The following GNS variants were observed in gnomAD, a reference collection of about 807,000 sequenced individuals.
GNS encodes the protein glucosamine (N-acetyl)-6-sulfatase.
Under a neutral mutation model 69.7 loss-of-function variants are expected in GNS, and 40 were observed. That is an observed-to-expected ratio of 0.57 (90% CI 0.45 to 0.75). The LOEUF is 0.75. GNS is among the 30% of genes least tolerant of loss of function. GNS has a pLI of 0.00. For synonymous variants in GNS, 243 were observed against 251.6 expected (o/e 0.97, Z 0.32); for missense variants, 565 against 685.5 (o/e 0.82, Z 1.96).
chr12:64,726,969 T>C (rs969936179), intron 10 of GNS, among the ~76,000 whole-genome samples: 1 of 149,916 alleles, frequency 6.7e-6, no homozygotes, highest in Non-Finnish European at 1.5e-5. Flanking sequence ...TATGAACACA[T>C]CTCCAAAGAA....
At position 64,714,574 on chromosome 12, in the gene GNS, G is replaced by C. The variant is rs1868803523; in HGVS notation, c.*2167C>G. On this transcript the variant is annotated 3_prime_UTR_variant, in exon 14 of 14. Coordinates refer to ENST00000258145, the MANE Select transcript of GNS (RefSeq NM_002076.4). ...TACCAAAAATAGAAGAGCGTAGAGA[G>C]GGCTGCACCACATCCTACCACGCAA... The C allele has an allele frequency of 6.6e-6, 1 of 152,148 alleles. No homozygotes were observed. Among genetic ancestry groups the C allele is most frequent in the Admixed American group, 6.5e-5 (1 of 15,274 alleles). 9.4% of individuals were successfully genotyped at this position (152,148 alleles called of 1,614,324 possible).
At position 64,716,782 on chromosome 12, in the gene GNS, C is replaced by T. The variant is rs771940326; in HGVS notation, c.1618G>A (p.Gly540Ser). The T allele has an allele frequency of 1.2e-5, 19 of 1,613,526 alleles. No homozygotes were observed. The highest frequency in any genetic ancestry group is 1.4e-5 in the Non-Finnish European group (17 of 1,179,516). The part of the protein sequence containing the change: ...FDPRLMFSNR[G>S]SVRTRRFSKH... ...GAAAATCTTCGAGTCCTGACACTGC[C>T]GCGATTGCTGAACATGAGACGGGGG... Residue 540 changes from glycine (G) to serine (S), a missense_variant, in exon 14 of 14, where the codon GGC (glycine) becomes AGC (serine). Gly to Ser is a moderately conservative substitution (Grantham distance 56). Transcript: ENST00000258145.
intron 9 of GNS, among the ~76,000 whole-genome samples, chr12:64,733,894 T>C (rs545869594): frequency 6.6e-6 from 1 of 151,598 alleles, no homozygotes; most frequent in East Asian, 2.0e-4. Flanking sequence ...AAAACGTCAA[T>C]AGTCAATCTT....
At chr12:64,741,547 A>G (rs1363821949) in intron 6 of GNS, among the ~76,000 whole-genome samples, 2 of 151,798 alleles carry the variant, frequency 1.3e-5, no homozygotes, top group Non-Finnish European at 2.9e-5. Flanking sequence ...TAGCCTCCCA[A>G]AGTGCTGGGA....
chr12:64,725,007 G>A (rs1869151360), intron 10 of GNS, among the ~76,000 whole-genome samples: 1 of 152,222 alleles, frequency 6.6e-6, no homozygotes, highest in East Asian at 1.9e-4. Flanking sequence ...AAGAGCACCT[G>A]AGAAGTCTAG....
At chr12:64,720,749 C>T (rs537461061) in intron 12 of GNS, among the ~76,000 whole-genome samples, 6 of 152,276 alleles carry the variant, frequency 3.9e-5, no homozygotes, top group African/African-American at 1.4e-4. Flanking sequence ...ACAGGTCTAA[C>T]GCAGTACTTT....
chr12:64,742,310 G>A (rs760128736), intron 6 of GNS, among the ~76,000 whole-genome samples: 32 of 152,214 alleles, frequency 2.1e-4, no homozygotes, highest in Non-Finnish European at 4.3e-4. Flanking sequence ...ATGAGCCACT[G>A]CGCCCGGCCA....
chr12:64,754,771 C>T (rs532407758), intron 1 of GNS, among the ~76,000 whole-genome samples: 1 of 152,062 alleles, frequency 6.6e-6, no homozygotes, highest in East Asian at 1.9e-4. Flanking sequence ...TGCCCGTAGT[C>T]CCAGCTACTT....
At position 64,752,564 on chromosome 12, in the gene GNS, TA is replaced by T. The variant is rs1286106261; in HGVS notation, c.252+133del. The T allele has an allele frequency of 4.6e-6, 3 of 646,312 alleles. No individual in the cohort carries two copies. In the African/African-American group the frequency reaches 5.5e-5, roughly 12 times the overall value. The allele number at this position is 646,312 out of a possible 1,614,324, so 40.0% of individuals were successfully genotyped here. A position where few individuals can be genotyped will look rare whatever the true frequency, so the allele number is the denominator to read the frequency against. ...TATTTCAATTAAAATTCACATTAAA[TA>T]AATCCTTCCTTCAGATCAGGCATTT... On this transcript the variant is annotated intron_variant, in intron 2 of 13. Transcript: ENST00000258145.
intron 9 of GNS, among the ~76,000 whole-genome samples, chr12:64,735,126 C>T (rs922500550): frequency 6.6e-6 from 1 of 152,074 alleles, no homozygotes; most frequent in African/African-American, 2.4e-5. Flanking sequence ...AATGAAAAAA[C>T]AAAACAAAAC....
chr12:64,736,670 G>A (rs1022854563), intron 9 of GNS, among the ~76,000 whole-genome samples: 9 of 152,186 alleles, frequency 5.9e-5, no homozygotes, highest in African/African-American at 9.7e-5. Flanking sequence ...GCCCAAGCAC[G>A]TACCATTTTT....
Position 64,743,321 on chromosome 12 carries a change from A to T in GNS, c.625-13T>A, listed in dbSNP as rs1195674881. ...AGGAGACATTAGCCTGACACATAAA[A>T]AGATTTGTCATCTCCTACCTTACCC... On this transcript the variant is annotated splice_polypyrimidine_tract_variant and intron_variant, in intron 5 of 13. Transcript: ENST00000258145. The T allele has an allele frequency of 6.3e-7, 1 of 1,593,948 alleles. No individual in the cohort carries two copies. Among genetic ancestry groups the T allele is most frequent in the South Asian group, 1.1e-5 (1 of 90,658 alleles).
intron 2 of GNS, among the ~76,000 whole-genome samples, chr12:64,751,539 A>T (rs1870077481): frequency 6.6e-6 from 1 of 152,194 alleles, no homozygotes; most frequent in Non-Finnish European, 1.5e-5. Flanking sequence ...GTCAGGATGT[A>T]TTCTTATGAT....
intron 8 of GNS, among the ~76,000 whole-genome samples, chr12:64,738,056 CTGGAGTGCAGTGGCA>C (rs1479318978): frequency 6.6e-6 from 1 of 151,578 alleles, no homozygotes; most frequent in Non-Finnish European, 1.5e-5. Context: ...GTCACCCACA[CTGGAGTGCAGTGGCA>C]CGATCTTGGC....
At chr12:64,736,007 C>G (rs1031579352) in intron 9 of GNS, among the ~76,000 whole-genome samples, 1 of 152,184 alleles carries the variant, frequency 6.6e-6, no homozygotes, top group African/African-American at 2.4e-5. Context: ...ACCCAATATA[C>G]CCAGAAAGTC....
At position 64,716,513 on chromosome 12, in the gene GNS, C is replaced by A. The variant is rs1868862276; in HGVS notation, c.*228G>T. 2 of 586,276 alleles carry A rather than the reference C, an allele frequency of 3.4e-6. No homozygotes were observed. Among genetic ancestry groups the A allele is most frequent in the Admixed American group, 2.7e-5 (1 of 37,720 alleles). The allele number at this position is 586,276 out of a possible 1,614,324, so 36.3% of individuals were successfully genotyped here. A position where few individuals can be genotyped will look rare whatever the true frequency, so the allele number is the denominator to read the frequency against. ...AAGACCTCAGGAGTGTCCTTGTCAGCTAAAGGAAGAGACCAGAGACAGCCA... is the reference window on the plus strand; with the variant it reads ...AAGACCTCAGGAGTGTCCTTGTCAGATAAAGGAAGAGACCAGAGACAGCCA... On this transcript the variant is annotated 3_prime_UTR_variant, in exon 14 of 14. Coordinates refer to ENST00000258145, the MANE Select transcript of GNS (RefSeq NM_002076.4).
chr12:64,717,031 A>C (rs1206352329), intron 13 of GNS, among the ~76,000 whole-genome samples: 1 of 152,216 alleles, frequency 6.6e-6, no homozygotes, highest in African/African-American at 2.4e-5. Flanking sequence ...AGTGCAAGTC[A>C]AGAGGAGAAA....
At position 64,749,218 on chromosome 12, in the gene GNS, C is replaced by T. The variant is rs112634912; in HGVS notation, c.253-1300G>A. ...CCTCCCAAAGTGCTGGGATTACAGG[C>T]GTGAGCCACTGTGCCCGGCCTTGAT... On this transcript the variant is annotated intron_variant, in intron 2 of 13. Coordinates refer to ENST00000258145, the MANE Select transcript of GNS (RefSeq NM_002076.4). Among the ~76,000 whole-genome samples the T allele has an allele frequency of 1.3e-4, 18 of 138,292 alleles. 2 individuals are homozygous for T. The highest frequency in any genetic ancestry group is 4.3e-4 in the African/African-American group (16 of 37,322). 90.7% of individuals were successfully genotyped at this position (138,292 alleles called of 152,430 possible).
rs1869807960 is a variant in GNS at position 64,743,405 on chromosome 12, C to T, written c.625-97G>A. 3 of 859,350 alleles carry T rather than the reference C, an allele frequency of 3.5e-6. No homozygotes were observed. In the Admixed American group the frequency reaches 5.9e-5, roughly 17 times the overall value. The allele number at this position is 859,350 out of a possible 1,614,324, so 53.2% of individuals were successfully genotyped here. ...GGTGAGCAGACAGTACAGGGTCTTA[C>T]TAGCTTTTAAGCAATCTTAGCACAT... On this transcript the variant is annotated intron_variant, in intron 5 of 13. Transcript: ENST00000258145.
Sources: gnomAD v4.1 joint callset for allele counts (sites outside exome capture counted in the v4.1 genomes callset) on GRCh38, gnomAD v4.1.1 for gene constraint, MANE v1.5 for transcripts, NCBI Gene and HGNC (gene_info 2026-07-23, HGNC 2026-07-21) for gene names.